The following GNPDA1 variants were observed in gnomAD, a reference collection of about 807,000 sequenced individuals.
GNPDA1 encodes the protein glucosamine-6-phosphate deaminase 1.
GNPDA1 carries 24 observed loss-of-function variants against 28.5 expected under a neutral mutation model. The ratio of observed to expected loss-of-function variants is 0.84; its 90% CI spans 0.61 to 1.19. The LOEUF (loss-of-function observed/expected upper bound fraction) is 1.19, where lower values mean the gene tolerates loss of function less well. Ranked by LOEUF, GNPDA1 falls within the 50% of genes most tolerant of loss-of-function variation. The pLI is 0.00. For synonymous variants in GNPDA1, 147 were observed against 139.3 expected (o/e 1.06, Z -0.39); for missense variants, 264 against 367.3 (o/e 0.72, Z 2.30).
intron 5 of GNPDA1, 111 bp downstream of exon 5, chr5:142,004,821 T>C (rs920540561): frequency 7.4e-6 from 5 of 674,352 alleles, no homozygotes; most frequent in Non-Finnish European, 1.2e-5. Context: ...TTTAGCCTTA[T>C]TTACCATGCC....
Position 142,002,957 on chromosome 5 carries a change from C to CCTCAAT in GNPDA1, c.769+130_769+131insATTGAG, listed in dbSNP as rs1356302213. 9 of 666,828 alleles carry CCTCAAT rather than the reference C, an allele frequency of 1.3e-5. No individual in the cohort carries two copies. The African/African-American group carries it at 1.6e-4, about 12-fold the overall frequency. The allele number at this position is 666,828 out of a possible 1,614,324, so 41.3% of individuals were successfully genotyped here. The stretch of plus-strand genomic sequence containing the variant: ...AGAGAAATGACTGTGTAGTGTGATG[C>CCTCAAT]AGTTGGGTTTGATATTTCTTAAGAT... On this transcript the variant is annotated intron_variant, in intron 6 of 6. Coordinates refer to ENST00000311337, the MANE Select transcript of GNPDA1 (RefSeq NM_005471.5).
In GNPDA1 at chr5:142,006,799, T is replaced by C. The variant is rs556152912; in HGVS notation, c.227-473A>G. ...AACACCAGGTGGTTAGAGAGAACTATCTTAGGGCTTCCCCAGATCAACTTT... is the reference window on the plus strand; with the variant it reads ...AACACCAGGTGGTTAGAGAGAACTACCTTAGGGCTTCCCCAGATCAACTTT... On this transcript the variant is annotated intron_variant, in intron 3 of 6. Coordinates refer to ENST00000311337, the MANE Select transcript of GNPDA1 (RefSeq NM_005471.5). Among the ~76,000 whole-genome samples, 379 of 150,144 alleles carry C rather than the reference T, an allele frequency of 2.5e-3. 2 individuals are homozygous for C. Among genetic ancestry groups the C allele is most frequent in the African/African-American group, 8.9e-3 (365 of 40,818 alleles).
intron 2 of GNPDA1, among the ~76,000 whole-genome samples, chr5:142,010,280 T>C (rs1253098771): frequency 6.6e-6 from 1 of 152,160 alleles, no homozygotes; most frequent in Non-Finnish European, 1.5e-5. Context: ...TGCCTCAGCC[T>C]CCTGAGTAGC....
chr5:142,012,181 T>G, intron 1 of GNPDA1, 140 bp from the exon 2 acceptor site: 1 of 693,792 alleles, frequency 1.4e-6, no homozygotes, highest in Non-Finnish European at 2.2e-6. Flanking sequence ...GGCCTTTCTA[T>G]TCACAGAGGA....
chr5:142,012,748 A>G, intron 1 of GNPDA1: 1 of 962,408 alleles, frequency 1.0e-6, no homozygotes, highest in African/African-American at 1.8e-5. Context: ...GAAGGAGGAC[A>G]TTTTGTTCCC....
rs567465396 is a variant in GNPDA1 at position 142,006,253 on chromosome 5, G to A, written c.300C>T (p.His100=). 1.9e-6 allele frequency: 3 copies of A among 1,613,692 alleles called. No individual in the cohort carries two copies. Among genetic ancestry groups the A allele is most frequent in the South Asian group, 2.2e-5 (2 of 91,080 alleles). ...CATCCAGAATGTGGGTGTTTTCTGG[G>A]TGGATGTCAATGTGCTTGAAGAAGT... ...WNNFFKHIDI[H]PENTHILDGN... The change falls in exon 4 of 7, where the codon CAC becomes CAT. Residue 100 remains histidine, a synonymous_variant. Coordinates refer to ENST00000311337, the MANE Select transcript of GNPDA1 (RefSeq NM_005471.5).
chr5:142,011,655 TG>T (rs1755958359), intron 2 of GNPDA1, among the ~76,000 whole-genome samples: 1 of 152,174 alleles, frequency 6.6e-6, no homozygotes, highest in African/African-American at 2.4e-5. Context: ...TGACTTAGGA[TG>T]TAGCCTAAAA....
At position 142,004,961 on chromosome 5, in the gene GNPDA1, C is replaced by T. The variant is rs1263060632; in HGVS notation, c.565G>A (p.Gly189Arg). The T allele has an allele frequency of 3.4e-5, 54 of 1,609,178 alleles. No homozygotes were observed. Among genetic ancestry groups the T allele is most frequent in the Non-Finnish European group, 4.5e-5 (53 of 1,176,100 alleles). ...CTAGCATCCATGACAGTGCCCACCC[C>T]CACCGTCAAGGCCATGGTGGGCACC... Reference protein sequence around the residue: ...TKVPTMALTVGVGTVMDAREV... With the variant: ...TKVPTMALTVRVGTVMDAREV... The change falls in exon 5 of 7, where the codon GGG becomes AGG. Residue 189 changes from glycine to arginine, a missense_variant. Coordinates refer to ENST00000311337, the MANE Select transcript of GNPDA1 (RefSeq NM_005471.5).
In GNPDA1 at chr5:142,004,950, A is replaced by G. The variant is rs1339048130; in HGVS notation, c.576T>C (p.Thr192=). The change falls in exon 5 of 7, where the codon ACT becomes ACC. Residue 192 remains threonine, a synonymous_variant. Coordinates refer to ENST00000311337, the MANE Select transcript of GNPDA1 (RefSeq NM_005471.5). ...CCCTTACCTCTCTAGCATCCATGAC[A>G]GTGCCCACCCCCACCGTCAAGGCCA... ...PTMALTVGVG[T]VMDAREVMIL... is the part of the protein sequence containing the mutation. 5.6e-6 allele frequency: 9 copies of G among 1,606,644 alleles called. No homozygotes were observed. In the African/African-American group the frequency reaches 1.1e-4, roughly 19 times the overall value.
Position 142,003,348 on chromosome 5 carries a change from A to G in GNPDA1, c.595-86T>C. The G allele has an allele frequency of 1.1e-6, 1 of 886,700 alleles. No homozygotes were observed. Among genetic ancestry groups the G allele is most frequent in the East Asian group, 2.5e-5 (1 of 39,834 alleles). 54.9% of individuals were successfully genotyped at this position (886,700 alleles called of 1,614,324 possible). A position where few individuals can be genotyped will look rare whatever the true frequency, so the allele number is the denominator to read the frequency against. On this transcript the variant is annotated intron_variant, in intron 5 of 6. Transcript: ENST00000311337. This position sits in a 1 kb window ranked among gnomAD's most constrained non-coding sequence, Gnocchi z 4.0. ...TAAGGATGATTGTTTTTCATATCAC[A>G]TTGTAAGTGGTTACCATGCAACATA...
Position 142,012,009 on chromosome 5 carries a change from A to G in GNPDA1, c.27T>C (p.Tyr9=). Residue 9 remains tyrosine (Y), a synonymous_variant, in exon 2 of 7, where the codon TAT becomes TAC. Coordinates refer to ENST00000311337, the MANE Select transcript of GNPDA1 (RefSeq NM_005471.5). Reference sequence around the variant, plus strand: ...TAGCCGCCCACTCGCTCGCCTGAGAATAGTGCTCCAGGATGATGAGCTTCA... The same window carrying G: ...TAGCCGCCCACTCGCTCGCCTGAGAGTAGTGCTCCAGGATGATGAGCTTCA... The part of the protein sequence containing the change: MKLIILEH[Y]SQASEWAAKY... The G allele has an allele frequency of 6.2e-7, 1 of 1,609,948 alleles. No homozygotes were observed.
At chr5:142,007,666 G>A (rs1483281921) in intron 3 of GNPDA1, 133 bp downstream of exon 3, 6 of 649,770 alleles carry the variant, frequency 9.2e-6, no homozygotes, top group East Asian at 5.1e-5. Flanking sequence ...AGTAAACCAA[G>A]AGGTAAGTAT....
chr5:142,004,770 A>C (rs922671601), intron 5 of GNPDA1, 162 bp downstream of exon 5: 1 of 494,452 alleles, frequency 2.0e-6, no homozygotes, highest in African/African-American at 1.9e-5. Flanking sequence ...ATGTCTTCCA[A>C]AGACGCAAGA....
At chr5:142,006,806 G>C (rs1755816470) in intron 3 of GNPDA1, among the ~76,000 whole-genome samples, 1 of 150,188 alleles carries the variant, frequency 6.7e-6, no homozygotes, top group Non-Finnish European at 1.5e-5. Flanking sequence ...CTATCTTAGG[G>C]CTTCCCCAGA....
intron 3 of GNPDA1, among the ~76,000 whole-genome samples, chr5:142,007,023 A>T (rs1755822980): frequency 6.6e-6 from 1 of 152,192 alleles, no homozygotes; most frequent in Non-Finnish European, 1.5e-5. Flanking sequence ...TTGATTCTAG[A>T]GTAGTCAAAT....
intron 4 of GNPDA1, 147 bp from the exon 5 acceptor site, chr5:142,005,263 C>T (rs1044291462): frequency 1.0e-5 from 6 of 597,876 alleles, no homozygotes; most frequent in African/African-American, 1.8e-5. Flanking sequence ...GGCAGGTACA[C>T]CTTAAACATG....
In GNPDA1 at chr5:142,006,217, G is replaced by A. The variant is rs147887204; in HGVS notation, c.336C>T (p.Val112=). The A allele has an allele frequency of 1.7e-4, 279 of 1,613,972 alleles. 1 individual carries two copies. Among genetic ancestry groups the A allele is most frequent in the Non-Finnish European group, 2.3e-4 (269 of 1,179,848 alleles). The change falls in exon 4 of 7, where the codon GTC becomes GTT. Residue 112 remains valine, a synonymous_variant. Coordinates refer to ENST00000311337, the MANE Select transcript of GNPDA1 (RefSeq NM_005471.5). ...AGGCATCACATTCTGCCTGTAGGTC[G>A]ACTGCATTCCCATCCAGAATGTGGG... ...ENTHILDGNA[V]DLQAECDAFE... is the part of the protein sequence containing the mutation.
rs778423973 is a variant in GNPDA1, at chr5:142,012,052, G to A, written c.-6-11C>T. 1.3e-6 allele frequency: 2 copies of A among 1,579,534 alleles called. No individual in the cohort carries two copies. The highest frequency in any genetic ancestry group is 2.3e-5 in the East Asian group (1 of 44,060). On this transcript the variant is annotated splice_polypyrimidine_tract_variant and intron_variant, in intron 1 of 6. Transcript: ENST00000311337. The stretch of plus-strand genomic sequence containing the variant: ...GAGCTTCATCTTGTCCTGCAGTGGG[G>A]GAGAGGGGATGACAGAAAGGAATCA...
intron 2 of GNPDA1, among the ~76,000 whole-genome samples, chr5:142,011,122 G>C (rs1192589118): frequency 6.6e-6 from 1 of 151,730 alleles, no homozygotes; most frequent in African/African-American, 2.4e-5. Flanking sequence ...AATTATAGCT[G>C]CTTTCAAACA....
Sources: allele counts gnomAD v4.1 joint callset (sites outside exome capture counted in the v4.1 genomes callset), GRCh38; gene constraint gnomAD v4.1.1; non-coding constraint Gnocchi (gnomAD v3.1); transcripts MANE v1.5; gene names NCBI Gene and HGNC (gene_info 2026-07-23, HGNC 2026-07-21).